The following SDK2 variants were observed in gnomAD, a reference collection of about 807,000 sequenced individuals.
SDK2 encodes the protein sidekick cell adhesion molecule 2.
A neutral mutation model predicts 253.9 loss-of-function variants in SDK2; 105 were observed. The observed-to-expected ratio is 0.41, with a 90% confidence interval of 0.35 to 0.49. The LOEUF is 0.49. SDK2 is among the 20% of genes least tolerant of loss of function. SDK2 has a pLI of 0.06. For synonymous variants in SDK2, 1,249 were observed against 1,234.9 expected, an observed-to-expected ratio of 1.01 and a Z score of -0.24; for missense variants, 2,608 against 3,003.0, an observed-to-expected ratio of 0.87 and a Z score of 3.07.
intron 3 of SDK2, among the ~76,000 whole-genome samples, chr17:73,459,257 C>T (rs2063548644): frequency 6.6e-6 from 1 of 152,194 alleles, no homozygotes; most frequent in African/African-American, 2.4e-5. Context: ...TCCAGATCCC[C>T]TTCTGTCCAT....
rs910242787 is a variant in SDK2, at chr17:73,336,846, C to T, written c.*1741G>A. 6.6e-6 allele frequency: 1 copy of T among 151,614 alleles called. No individual in the cohort carries two copies. Among genetic ancestry groups the T allele is most frequent in the African/African-American group, 2.4e-5 (1 of 41,020 alleles). The allele number at this position is 151,614 out of a possible 1,614,324, so 9.4% of individuals were successfully genotyped here. A position where few individuals can be genotyped will look rare whatever the true frequency, so the allele number is the denominator to read the frequency against. ...AATCAGACAGGCCCCTGTGGGCCAT[C>T]TGCCACCCATCTCAGCGGTGGGGCA... On this transcript the variant is annotated 3_prime_UTR_variant, in exon 45 of 45. Transcript: ENST00000392650.
chr17:73,607,758 C>G (rs1055572158), intron 1 of SDK2, among the ~76,000 whole-genome samples: 1 of 152,080 alleles, frequency 6.6e-6, no homozygotes, highest in East Asian at 1.9e-4. Context: ...TCTCGGGGAC[C>G]TCCTAAGCTT....
chr17:73,485,944 G>A lies in SDK2; in HGVS notation c.225-13726C>T, dbSNP rs2063767022. Among the ~76,000 whole-genome samples the A allele has an allele frequency of 2.0e-5, 3 of 152,244 alleles. No individual in the cohort carries two copies. The South Asian group carries it at 6.2e-4, about 31-fold the overall frequency. On this transcript the variant is annotated intron_variant, in intron 2 of 44. Coordinates refer to ENST00000392650, the MANE Select transcript of SDK2 (RefSeq NM_001144952.2). ...ACGAAGGTCACTCTGACTGCAGACT[G>A]GAGAGGGAACTGGAGTTGGTCAAGG... is the stretch of plus-strand genomic sequence containing the variant.
chr17:73,406,339 G>T (rs1426120718), intron 18 of SDK2, among the ~76,000 whole-genome samples: 3 of 150,782 alleles, frequency 2.0e-5, no homozygotes, highest in Non-Finnish European at 4.4e-5. Flanking sequence ...TGCCTCCCCA[G>T]TTCAAACGAT....
intron 2 of SDK2, among the ~76,000 whole-genome samples, chr17:73,480,554 T>G (rs1375104715): frequency 6.6e-6 from 1 of 152,066 alleles, no homozygotes; most frequent in Non-Finnish European, 1.5e-5. Flanking sequence ...TTCGGTATGA[T>G]CAAGTGGCTG....
chr17:73,516,164 C>T (rs1020929370), intron 1 of SDK2, among the ~76,000 whole-genome samples: 1 of 152,214 alleles, frequency 6.6e-6, no homozygotes, highest in African/African-American at 2.4e-5. Context: ...TGGGTCTTGC[C>T]TGGGATGGCT....
chr17:73,532,897 A>G (rs541161623), intron 1 of SDK2, among the ~76,000 whole-genome samples: 3 of 152,342 alleles, frequency 2.0e-5, no homozygotes, highest in East Asian at 3.9e-4. Flanking sequence ...GGCACAGCGC[A>G]GTTAACTCTA....
chr17:73,631,535 G>A (rs990766098), intron 1 of SDK2, among the ~76,000 whole-genome samples: 2 of 152,166 alleles, frequency 1.3e-5, no homozygotes, highest in African/African-American at 2.4e-5. Flanking sequence ...GTGGGCTGCC[G>A]GCCAGGAACC....
At chr17:73,461,974 ATATGCATG>A (rs1294956647) in intron 3 of SDK2, among the ~76,000 whole-genome samples, 1 of 151,606 alleles carries the variant, frequency 6.6e-6, no homozygotes, top group Non-Finnish European at 1.5e-5. Context: ...GGATGGTTAC[ATATGCATG>A]TATGCATGTG....
At chr17:73,599,646 G>A (rs1003403731) in intron 1 of SDK2, among the ~76,000 whole-genome samples, 1 of 152,080 alleles carries the variant, frequency 6.6e-6, no homozygotes, top group African/African-American at 2.4e-5. Flanking sequence ...GAAGAAGGAG[G>A]GAGGGAGGGG....
At chr17:73,517,575 A>C (rs2145779672) in intron 1 of SDK2, 1 of 152,366 alleles carries the variant, frequency 6.6e-6, no homozygotes, top group African/African-American at 2.4e-5. Flanking sequence ...AGCCTGCAGA[A>C]GGAGCATGCC....
At chr17:73,611,633 C>T (rs1428165762) in intron 1 of SDK2, among the ~76,000 whole-genome samples, 1 of 152,242 alleles carries the variant, frequency 6.6e-6, no homozygotes, top group Non-Finnish European at 1.5e-5. Context: ...GAGGCTTTCC[C>T]AGCCTCAGTT....
chr17:73,419,725 A>C (rs2063212994), intron 15 of SDK2, among the ~76,000 whole-genome samples: 1 of 73,896 alleles, frequency 1.4e-5, no homozygotes, highest in African/African-American at 4.4e-5. Context: ...ACAACAAAAA[A>C]AACCCAAAAA....
chr17:73,419,468 A>G (rs371302923), intron 15 of SDK2, among the ~76,000 whole-genome samples, 162 bp from the exon 16 acceptor site: 280 of 152,200 alleles, frequency 1.8e-3, no homozygotes, highest in African/African-American at 6.4e-3. Flanking sequence ...TTGTTCTATA[A>G]AAGAATTATA....
chr17:73,532,085 G>A (rs1229022331), intron 1 of SDK2, among the ~76,000 whole-genome samples: 3 of 152,160 alleles, frequency 2.0e-5, no homozygotes, highest in African/African-American at 7.2e-5. Flanking sequence ...AGCTCCCGGG[G>A]GACCCCTGGC....
At chr17:73,526,425 G>A (rs1161466011) in intron 1 of SDK2, among the ~76,000 whole-genome samples, 1 of 152,190 alleles carries the variant, frequency 6.6e-6, no homozygotes, top group African/African-American at 2.4e-5. Context: ...GAAAGAAGGG[G>A]GTGGGAATAA....
At chr17:73,355,419 T>C (rs1166213322) in intron 40 of SDK2, among the ~76,000 whole-genome samples, 2 of 151,676 alleles carry the variant, frequency 1.3e-5, no homozygotes, top group Non-Finnish European at 2.9e-5. Flanking sequence ...CGATCTTGGC[T>C]CACTGCAACC....
chr17:73,411,090 A>G (rs1276047986), intron 18 of SDK2, among the ~76,000 whole-genome samples: 1 of 151,822 alleles, frequency 6.6e-6, no homozygotes. Flanking sequence ...GGTCCCAATT[A>G]GGAGAGTTTT....
rs2062637873 is a variant in SDK2, at chr17:73,361,307, G to T, written c.5467+377C>A. On this transcript the variant is annotated intron_variant, in intron 39 of 44. Transcript: ENST00000392650. The surrounding 1 kb of genome is among the most constrained non-coding windows in gnomAD (Gnocchi z 4.1). ...TCAGGGGCGTGGGAAGATGGCTCTG[G>T]CTGGGCGAAAGGCAGGGGCACCTGC... 6.6e-6 allele frequency among the ~76,000 whole-genome samples: 1 copy of T among 152,184 alleles called. No individual in the cohort carries two copies. Among genetic ancestry groups the T allele is most frequent in the South Asian group, 2.1e-4 (1 of 4,828 alleles).
Sources: gnomAD v4.1 joint callset for allele counts (sites outside exome capture counted in the v4.1 genomes callset) on GRCh38, gnomAD v4.1.1 for gene constraint, Gnocchi (gnomAD v3.1) non-coding constraint, MANE v1.5 for transcripts, NCBI Gene and HGNC (gene_info 2026-07-23, HGNC 2026-07-21) for gene names.